TSPAN9: variants seen among roughly 807,000 people sequenced by gnomAD.
TSPAN9 encodes the protein tetraspanin-9.
TSPAN9 carries 16 observed loss-of-function variants against 31.0 expected under a neutral mutation model. The observed-to-expected ratio is 0.52, with a 90% CI of 0.35 to 0.78. The LOEUF is 0.78. TSPAN9 is among the 30% of genes least tolerant of loss of function. The pLI, the probability that TSPAN9 is intolerant of heterozygous loss-of-function variation, is 0.01. For synonymous variants in TSPAN9, 145 were observed against 121.6 expected, an observed-to-expected ratio of 1.19 and a Z score of -1.27; for missense variants, 272 against 312.5, an observed-to-expected ratio of 0.87 and a Z score of 0.98.
intron 1 of TSPAN9, among the ~76,000 whole-genome samples, chr12:3,081,834 G>GTATATATATATATATATATATATATATA (rs1477420908): frequency 1.3e-5 from 1 of 75,762 alleles, no homozygotes; most frequent in African/African-American, 6.9e-5. Flanking sequence ...GTGTGTGTGT[G>GTATATATATATATATATATATATATATA]TCTGTGTGTG....
chr12:3,109,299 T>TGTGTGTGTGTGTGTGTGAGAGAGA (rs1274383200), intron 2 of TSPAN9, among the ~76,000 whole-genome samples: 4 of 118,302 alleles, frequency 3.4e-5, no homozygotes, highest in African/African-American at 1.4e-4. Flanking sequence ...TGTGTGTGTG[T>TGTGTGTGTGTGTGTGTGAGAGAGA]GAGAGAGAGT....
chr12:3,246,275 C>T (rs2153977614), intron 3 of TSPAN9, among the ~76,000 whole-genome samples: 1 of 152,144 alleles, frequency 6.6e-6, no homozygotes, highest in Non-Finnish European at 1.5e-5. Flanking sequence ...TGGTGCTACC[C>T]CATGATCTAG....
At chr12:3,122,281 C>CCGAGATCACACCG (rs368874431) in intron 2 of TSPAN9, among the ~76,000 whole-genome samples, 2 of 150,688 alleles carry the variant, frequency 1.3e-5, no homozygotes, top group Non-Finnish European at 3.0e-5. Context: ...TTGCAGTGAG[C>CCGAGATCACACCG]CTGCACTCCA....
intron 2 of TSPAN9, among the ~76,000 whole-genome samples, chr12:3,117,324 G>A (rs907242109): frequency 5.9e-5 from 9 of 152,010 alleles, no homozygotes; most frequent in African/African-American, 2.2e-4. Context: ...TACATTTTTT[G>A]GACTCTGTTT....
intron 2 of TSPAN9, among the ~76,000 whole-genome samples, chr12:3,108,562 G>A (rs1254012384): frequency 1.3e-5 from 2 of 152,124 alleles, no homozygotes; most frequent in Admixed American, 1.3e-4. Context: ...TTCATCCACT[G>A]TGGATCCTTT....
At chr12:3,278,199 C>T (rs915485543) in intron 3 of TSPAN9, among the ~76,000 whole-genome samples, 2 of 152,194 alleles carry the variant, frequency 1.3e-5, no homozygotes, top group African/African-American at 2.4e-5. Flanking sequence ...GCACAGTCTC[C>T]GTTGTCACAT....
intron 3 of TSPAN9, among the ~76,000 whole-genome samples, chr12:3,202,951 A>C (rs758968018): frequency 6.6e-6 from 1 of 152,190 alleles, no homozygotes; most frequent in East Asian, 1.9e-4. Context: ...CTGTCAGCCA[A>C]GTACTGGTGT....
In TSPAN9 at chr12:3,188,842, G is replaced by A. The variant is rs530469875; in HGVS notation, c.-17-12335G>A. ...AAGGTGAATACCTCCCAGATAGGCC[G>A]AGGGCAGTGTTAGAGGGTGTCCGAT... On this transcript the variant is annotated intron_variant, in intron 2 of 8. Transcript: ENST00000011898. 5.1e-4 allele frequency among the ~76,000 whole-genome samples: 77 copies of A among 152,234 alleles called. No homozygotes were observed. The Middle Eastern group carries it at 0.01, about 20-fold the overall frequency.
intron 2 of TSPAN9, chr12:3,124,904 T>G (rs1223615892): frequency 1.3e-5 from 2 of 151,796 alleles, no homozygotes; most frequent in African/African-American, 2.4e-5. Flanking sequence ...ACAAAAAAAT[T>G]TTTAATAAAT....
intron 3 of TSPAN9, among the ~76,000 whole-genome samples, chr12:3,263,765 C>T (rs1039097780): frequency 1.3e-5 from 2 of 152,148 alleles, no homozygotes; most frequent in African/African-American, 2.4e-5. Context: ...GGGCCGATGA[C>T]GGCCAGTCGA....
chr12:3,121,830 T>C (rs924299124), intron 2 of TSPAN9, among the ~76,000 whole-genome samples: 6 of 152,162 alleles, frequency 3.9e-5, no homozygotes, highest in Non-Finnish European at 8.8e-5. Context: ...GGACTTGCCC[T>C]TGTACACAGT....
chr12:3,232,073 A>C (rs968963335), intron 3 of TSPAN9, among the ~76,000 whole-genome samples: 2 of 152,190 alleles, frequency 1.3e-5, no homozygotes, highest in African/African-American at 4.8e-5. Flanking sequence ...TAGGAACTGC[A>C]GTCCTGGATT....
intron 2 of TSPAN9, among the ~76,000 whole-genome samples, chr12:3,114,684 A>C (rs749916419): frequency 6.6e-6 from 1 of 151,942 alleles, no homozygotes; most frequent in Non-Finnish European, 1.5e-5. Context: ...CTCTACTAAA[A>C]ATACAAAGAT....
intron 3 of TSPAN9, 101 bp downstream of exon 3, chr12:3,201,357 C>A: frequency 8.4e-7 from 1 of 1,191,252 alleles, no homozygotes. Flanking sequence ...TTGCTCTGCT[C>A]TCTGCACAGT....
chr12:3,141,416 G>A (rs1037825723), intron 2 of TSPAN9, among the ~76,000 whole-genome samples: 8 of 152,094 alleles, frequency 5.3e-5, no homozygotes, highest in Admixed American at 2.0e-4. Context: ...CCTCTGCAGC[G>A]CACGGTGATG....
intron 2 of TSPAN9, among the ~76,000 whole-genome samples, chr12:3,193,225 G>T (rs2098365352): frequency 6.6e-6 from 1 of 152,132 alleles, no homozygotes; most frequent in Non-Finnish European, 1.5e-5. Context: ...TAGTGGTATG[G>T]ACAGGGGTCA....
chr12:3,125,283 G>T (rs1323863790), intron 2 of TSPAN9, among the ~76,000 whole-genome samples: 1 of 151,852 alleles, frequency 6.6e-6, no homozygotes, highest in Non-Finnish European at 1.5e-5. Context: ...CATCAGAAGT[G>T]CTTTGGTGTC....
chr12:3,087,334 C>T (rs946310427), intron 2 of TSPAN9, among the ~76,000 whole-genome samples: 4 of 152,016 alleles, frequency 2.6e-5, no homozygotes, highest in Non-Finnish European at 4.4e-5. Context: ...AGTGAGACCT[C>T]GTCTCTAATA....
At chr12:3,256,402 CGGAGGCCCTGAGGCCAA>C (rs1156577661) in intron 3 of TSPAN9, among the ~76,000 whole-genome samples, 1 of 152,218 alleles carries the variant, frequency 6.6e-6, no homozygotes, top group Non-Finnish European at 1.5e-5. Flanking sequence ...GCCAGCATGA[CGGAGGCCCTGAGGCCAA>C]GGCCACAGGC....
Sources: allele counts gnomAD v4.1 joint callset (sites outside exome capture counted in the v4.1 genomes callset), GRCh38; gene constraint gnomAD v4.1.1; transcripts MANE v1.5; gene names NCBI Gene and HGNC (gene_info 2026-07-23, HGNC 2026-07-21).